The following DIXDC1 variants were observed in gnomAD, a reference collection of about 807,000 sequenced individuals.
DIXDC1 encodes dixin.
In DIXDC1, 64 loss-of-function variants were observed where a neutral mutation model predicts 103.1. That is an observed-to-expected ratio of 0.62 (90% CI 0.51 to 0.76). DIXDC1 has a LOEUF of 0.76. DIXDC1 is among the 30% of genes least tolerant of loss of function. The pLI is 0.00. For missense variants in DIXDC1, 759 were observed against 834.2 expected (o/e 0.91, Z 1.11); for synonymous variants, 266 against 298.5 (o/e 0.89, Z 1.12).
intron 1 of DIXDC1, among the ~76,000 whole-genome samples, chr11:111,951,112 G>A (rs1265006931): frequency 6.6e-6 from 1 of 152,126 alleles, no homozygotes; most frequent in Middle Eastern, 3.2e-3. Flanking sequence ...AACAGAAAAA[G>A]TAATTACAAC....
At chr11:111,937,129 GGC>G (rs1482077166), upstream of DIXDC1, 5,004 of 707,630 alleles carry the variant, frequency 7.1e-3, 942 homozygotes, top group African/African-American at 0.11. Flanking sequence ...CTGCGGCCCG[GGC>G]GGGGGGGGGG....
At chr11:112,018,742 G>A (rs988131559) in intron 19 of DIXDC1, among the ~76,000 whole-genome samples, 3 of 152,144 alleles carry the variant, frequency 2.0e-5, no homozygotes, top group Admixed American at 6.5e-5. Flanking sequence ...TATGAGCAAA[G>A]TAGTATCAGG....
chr11:111,982,982 T>G (rs1179066159), intron 7 of DIXDC1, among the ~76,000 whole-genome samples: 6 of 152,226 alleles, frequency 3.9e-5, no homozygotes, highest in Non-Finnish European at 8.8e-5. Flanking sequence ...AATGGTCAGG[T>G]AGAAGAGGTT....
intron 7 of DIXDC1, 96 bp downstream of exon 7, chr11:111,982,583 G>A (rs1555173380): frequency 5.2e-6 from 7 of 1,343,980 alleles, no homozygotes; most frequent in Non-Finnish European, 7.1e-6. Context: ...TTTCTAGGAG[G>A]TCAGAACTGA....
In DIXDC1 at chr11:111,993,506, G is replaced by A. The variant is rs1237934337; in HGVS notation, c.1283G>A (p.Gly428Glu). Residue 428 changes from glycine (G) to glutamate (E), a missense_variant, in exon 13 of 20, where the codon GGG becomes GAG. By Grantham distance (98) the Gly-to-Glu change is moderately conservative. Coordinates refer to ENST00000440460, the MANE Select transcript of DIXDC1 (RefSeq NM_001037954.4). ...RLLGEYKKEL[G>E]QKDRLLQQHQ... is the part of the protein sequence containing the mutation. Reference sequence around the variant, plus strand: ...CTATCTTTATTGCAGAAAGAGCTGGGGCAGAAGGATCGCCTTCTTCAGCAG... The same window carrying A: ...CTATCTTTATTGCAGAAAGAGCTGGAGCAGAAGGATCGCCTTCTTCAGCAG... The A allele has an allele frequency of 6.2e-7, 1 of 1,613,962 alleles. No individual in the cohort carries two copies. The highest frequency in any genetic ancestry group is 1.3e-5 in the African/African-American group (1 of 75,024).
intron 2 of DIXDC1, among the ~76,000 whole-genome samples, chr11:111,931,566 C>G (rs943974829): frequency 1.3e-5 from 2 of 152,064 alleles, no homozygotes; most frequent in African/African-American, 4.8e-5. Flanking sequence ...TCACTTGAAC[C>G]CGGGAGGCAG....
chr11:111,973,965 T>C (rs781805388), intron 3 of DIXDC1, 58 bp from the exon 4 acceptor site: 2 of 1,536,810 alleles, frequency 1.3e-6, no homozygotes, highest in Non-Finnish European at 1.8e-6. Flanking sequence ...TCCTCAGCTT[T>C]TGCCTCCCTC....
At chr11:112,013,079 G>T (rs1351045592) in intron 17 of DIXDC1, among the ~76,000 whole-genome samples, 2 of 152,070 alleles carry the variant, frequency 1.3e-5, no homozygotes, top group Non-Finnish European at 2.9e-5. Flanking sequence ...ACAAGATCAG[G>T]TTGCCAGCAT....
intron 15 of DIXDC1, 139 bp downstream of exon 15, chr11:111,995,247 G>C: frequency 7.7e-7 from 1 of 1,306,656 alleles, no homozygotes; most frequent in Non-Finnish European, 1.1e-6. Context: ...AAGATGTGAG[G>C]CACTTGCTAT....
chr11:111,935,511 G>A (rs1392663798), upstream of DIXDC1, among the ~76,000 whole-genome samples: 1 of 152,210 alleles, frequency 6.6e-6, no homozygotes, highest in East Asian at 1.9e-4. Context: ...CAAAGCATGA[G>A]GGGCTCTCAA....
In DIXDC1 at chr11:111,950,428, ATATATATATATTTTTTTTTTTTTTTTTT is replaced by A. The variant is rs1484509391; in HGVS notation, c.60+12871_60+12898del. 5.2e-3 allele frequency among the ~76,000 whole-genome samples: 111 copies of A among 21,342 alleles called. 1 individual carries two copies. Among genetic ancestry groups the A allele is most frequent in the African/African-American group, 0.022 (91 of 4,080 alleles). The allele number at this position is 21,342 out of a possible 152,430, so 14.0% of individuals were successfully genotyped here. ...AAAGTAGGTATATATATATATATAT[ATATATATATATTTTTTTTTTTTTTTTTT>A]TTTTTTTTTTTTTTTTGAGACAGAG... On this transcript the variant is annotated intron_variant, in intron 1 of 19. Transcript: ENST00000440460.
At chr11:111,971,075 T>C (rs1052211010) in intron 3 of DIXDC1, among the ~76,000 whole-genome samples, 9 of 152,174 alleles carry the variant, frequency 5.9e-5, no homozygotes, top group Admixed American at 2.0e-4. Context: ...GGCAAAGAAT[T>C]TATTACTAAA....
At chr11:111,928,262 G>A (rs587668110) in intron 1 of DIXDC1, 1 of 151,752 alleles carries the variant, frequency 6.6e-6, no homozygotes, top group Non-Finnish European at 1.5e-5. Context: ...TATATTAAAT[G>A]AAGGTGGCCG....
upstream of DIXDC1, among the ~76,000 whole-genome samples, chr11:111,934,630 T>A (rs1202546896): frequency 6.6e-6 from 1 of 152,150 alleles, no homozygotes; most frequent in Non-Finnish European, 1.5e-5. Flanking sequence ...CATGGTGGGA[T>A]CGGGAGGATG....
At chr11:111,993,821 G>C in intron 14 of DIXDC1, 81 bp downstream of exon 14, 1 of 1,503,764 alleles carries the variant, frequency 6.6e-7, no homozygotes, top group African/African-American at 1.4e-5. Flanking sequence ...GCTGAACCAA[G>C]GCCACAGGCT....
chr11:111,947,223 C>T (rs1372405996), intron 1 of DIXDC1, among the ~76,000 whole-genome samples: 4 of 151,956 alleles, frequency 2.6e-5, no homozygotes, highest in African/African-American at 9.7e-5. Flanking sequence ...CACTGCTTTT[C>T]CCTATTTTAC....
intron 17 of DIXDC1, among the ~76,000 whole-genome samples, chr11:112,016,381 G>A (rs1861590589): frequency 6.6e-6 from 1 of 152,108 alleles, no homozygotes; most frequent in Admixed American, 6.5e-5. Flanking sequence ...TGTCTACCCT[G>A]CCTGGCTGAA....
intron 10 of DIXDC1, among the ~76,000 whole-genome samples, chr11:111,989,550 G>A (rs1031732700): frequency 6.0e-5 from 9 of 150,640 alleles, no homozygotes; most frequent in Non-Finnish European, 1.2e-4. Context: ...CTTGAACCCA[G>A]GAGGCAGAGG....
Position 112,022,555 on chromosome 11 carries a change from CTA to C in DIXDC1, c.*3521_*3522del, listed in dbSNP as rs1427884891. 1 of 152,608 alleles carries C rather than the reference CTA, an allele frequency of 6.6e-6. No homozygotes were observed. Among genetic ancestry groups the C allele is most frequent in the African/African-American group, 2.4e-5 (1 of 41,430 alleles). The allele number at this position is 152,608 out of a possible 1,614,324, so 9.5% of individuals were successfully genotyped here. The stretch of plus-strand genomic sequence containing the variant: ...GTGAACTAATTTAAAAAACCACAAA[CTA>C]TGAATAAAATGGGGTTTGCAAACTA... On this transcript the variant is annotated 3_prime_UTR_variant, in exon 20 of 20. Transcript: ENST00000440460. The surrounding 1 kb of genome is among the most constrained non-coding windows in gnomAD (Gnocchi z 4.9).
Sources: allele counts gnomAD v4.1 joint callset (sites outside exome capture counted in the v4.1 genomes callset), GRCh38; gene constraint gnomAD v4.1.1; non-coding constraint Gnocchi (gnomAD v3.1); transcripts MANE v1.5; gene names NCBI Gene and HGNC (gene_info 2026-07-23, HGNC 2026-07-21).